The following KAZN variants were observed in gnomAD, a reference collection of about 807,000 sequenced individuals.
KAZN encodes the protein kazrin.
Under a neutral mutation model 87.4 loss-of-function variants are expected in KAZN, and 40 were observed. That is an observed-to-expected ratio of 0.46 (90% CI 0.36 to 0.60). KAZN has a LOEUF of 0.60. KAZN is among the 20% of genes least tolerant of loss of function. The pLI is 0.00. For synonymous variants in KAZN, 466 were observed against 458.3 expected (o/e 1.02, Z -0.22); for missense variants, 898 against 1,073.9 (o/e 0.84, Z 2.29).
intron 5 of KAZN, among the ~76,000 whole-genome samples, chr1:15,057,700 G>A (rs1638418089): frequency 6.6e-6 from 1 of 152,202 alleles, no homozygotes; most frequent in African/African-American, 2.4e-5. Flanking sequence ...CGTCAGGCAG[G>A]GAAACTGAGA....
chr1:14,923,690 G>A lies in KAZN; in HGVS notation c.227-36994G>A, dbSNP rs1658805398. On this transcript the variant is annotated intron_variant, in intron 1 of 14. Coordinates refer to ENST00000376030, the MANE Select transcript of KAZN (RefSeq NM_201628.3). The surrounding 1 kb of genome is among the most constrained non-coding windows in gnomAD (Gnocchi z 4.2). Reference sequence around the variant, plus strand: ...TCAGCATTCCCCTCACTTAGAGGATGGCCGGTCACACGCAAAGATGAGCGA... The same window carrying A: ...TCAGCATTCCCCTCACTTAGAGGATAGCCGGTCACACGCAAAGATGAGCGA... 6.6e-6 allele frequency among the ~76,000 whole-genome samples: 1 copy of A among 152,190 alleles called. No individual in the cohort carries two copies. Among genetic ancestry groups the A allele is most frequent in the Non-Finnish European group, 1.5e-5 (1 of 68,034 alleles).
chr1:14,375,624 C>T (rs1195130818), intron 2 of KAZN, among the ~76,000 whole-genome samples: 4 of 152,138 alleles, frequency 2.6e-5, no homozygotes, highest in Admixed American at 1.3e-4. Context: ...CGGTGGCTCA[C>T]ACCTGTAATC....
intron 2 of KAZN, among the ~76,000 whole-genome samples, chr1:14,293,664 T>C (rs1225760654): frequency 1.3e-5 from 2 of 150,972 alleles, no homozygotes; most frequent in Admixed American, 6.6e-5. Flanking sequence ...GAAAACACCA[T>C]AGGTGTACAG....
Position 14,483,504 on chromosome 1 carries a change from G to A in KAZN, c.250-115479G>A, listed in dbSNP as rs556637850. ...ATTTTGGATATAAACCTCTGTTAAT[G>A]GAAAAACCAAACTCTGTAAAATATT... On this transcript the variant is annotated intron_variant, in intron 2 of 16. Coordinates refer to the KAZN transcript ENST00000636203. Among the ~76,000 whole-genome samples the A allele has an allele frequency of 4.6e-5, 7 of 152,248 alleles. No individual in the cohort carries two copies. The East Asian group carries it at 1.3e-3, about 29-fold the overall frequency.
At chr1:14,463,914 G>A (rs542259494) in intron 2 of KAZN, among the ~76,000 whole-genome samples, 3 of 152,224 alleles carry the variant, frequency 2.0e-5, no homozygotes, top group Non-Finnish European at 4.4e-5. Flanking sequence ...AGGAGTCACA[G>A]GCTGCAGTTC....
At chr1:14,229,834 C>T (rs1023544144) in intron 2 of KAZN, among the ~76,000 whole-genome samples, 3 of 152,254 alleles carry the variant, frequency 2.0e-5, no homozygotes, top group Admixed American at 6.5e-5. Context: ...CTCGCAGGAG[C>T]GTTAGATTCT....
intron 1 of KAZN, among the ~76,000 whole-genome samples, chr1:14,720,184 C>T (rs1643019981): frequency 6.6e-6 from 1 of 152,234 alleles, no homozygotes; most frequent in African/African-American, 2.4e-5. Context: ...GGGGATGGCA[C>T]TTCTTGTGAA....
chr1:15,077,895 T>C lies in KAZN; in HGVS notation c.1222+12142T>C, dbSNP rs931861966. Among the ~76,000 whole-genome samples, 1 of 152,154 alleles carries C rather than the reference T, an allele frequency of 6.6e-6. No homozygotes were observed. Among genetic ancestry groups the C allele is most frequent in the African/African-American group, 2.4e-5 (1 of 41,430 alleles). On this transcript the variant is annotated intron_variant, in intron 8 of 14. Coordinates refer to ENST00000376030, the MANE Select transcript of KAZN (RefSeq NM_201628.3). The surrounding 1 kb of genome is among the most constrained non-coding windows in gnomAD (Gnocchi z 4.8). ...ATATGACTTGCTGACATTTACTAAG[T>C]GCCTACTGTGCCAGGCATGGGGTAG...
chr1:14,240,868 G>T (rs1423295473), intron 2 of KAZN, among the ~76,000 whole-genome samples: 1 of 152,238 alleles, frequency 6.6e-6, no homozygotes, highest in African/African-American at 2.4e-5. Context: ...GCATGGGAGG[G>T]AGTTAGAGAG....
chr1:14,769,052 A>G lies in KAZN; in HGVS notation c.226+169829A>G, dbSNP rs7538279. ...TAAAAGCTTCTGAGTTAATGAGTGA[A>G]TTAATTACCAGGCAAAGAGCCCATT... On this transcript the variant is annotated intron_variant, in intron 1 of 14. Coordinates refer to ENST00000376030, the MANE Select transcript of KAZN (RefSeq NM_201628.3). This position sits in a 1 kb window ranked among gnomAD's most constrained non-coding sequence, Gnocchi z 4.1. Among the ~76,000 whole-genome samples, 7,860 of 152,274 alleles carry G rather than the reference A, an allele frequency of 0.052. 620 individuals carry two copies. The highest frequency in any genetic ancestry group is 0.17 in the African/African-American group (6,944 of 41,524).
At chr1:15,043,097 C>T (rs148223580) in intron 3 of KAZN, among the ~76,000 whole-genome samples, 20 of 152,280 alleles carry the variant, frequency 1.3e-4, no homozygotes, top group Non-Finnish European at 2.9e-4. Context: ...GGAGGGCCAG[C>T]CTGGGGAGGG....
In KAZN at chr1:14,598,764, T is replaced by G. The variant is rs1676691321; in HGVS notation, c.-234T>G. 1.5e-6 allele frequency: 2 copies of G among 1,343,636 alleles called. No individual in the cohort carries two copies. Among genetic ancestry groups the G allele is most frequent in the Non-Finnish European group, 9.5e-7 (1 of 1,055,712 alleles). The allele number at this position is 1,343,636 out of a possible 1,614,324, so 83.2% of individuals were successfully genotyped here. A position where few individuals can be genotyped will look rare whatever the true frequency, so the allele number is the denominator to read the frequency against. On this transcript the variant is annotated 5_prime_UTR_variant, in exon 1 of 15. Coordinates refer to ENST00000376030, the MANE Select transcript of KAZN (RefSeq NM_201628.3). This position sits in a 1 kb window ranked among gnomAD's most constrained non-coding sequence, Gnocchi z 4.2. ...CTCCTCCTCCTTCTCCTCCTCTTTT[T>G]TCTCCTCCGCCTCCTCCCCCCGCCG...
In KAZN at chr1:14,770,063, G is replaced by A. The variant is rs577235617; in HGVS notation, c.226+170840G>A. 5.9e-5 allele frequency among the ~76,000 whole-genome samples: 9 copies of A among 152,296 alleles called. No homozygotes were observed. The South Asian group carries it at 1.9e-3, about 32-fold the overall frequency. On this transcript the variant is annotated intron_variant, in intron 1 of 14. Transcript: ENST00000376030. ...AACCAGGACCTCAGAGAATAGTCCA[G>A]GGTGGCTGGAGCCAAGAAATCATGG...
chr1:14,301,802 C>T lies in KAZN; in HGVS notation c.249+121210C>T, dbSNP rs541162194. On this transcript the variant is annotated intron_variant, in intron 2 of 16. Coordinates refer to the KAZN transcript ENST00000636203. ...AGGTACTCCTTCCTTTCCCTACTGG[C>T]CCATTCTCATCTTCCAGGTCTTGGG... Among the ~76,000 whole-genome samples, 4 of 152,318 alleles carry T rather than the reference C, an allele frequency of 2.6e-5. No homozygotes were observed. In the South Asian group the frequency reaches 6.2e-4, roughly 24 times the overall value.
intron 1 of KAZN, among the ~76,000 whole-genome samples, chr1:13,931,417 T>A (rs754790651): frequency 5.3e-5 from 8 of 151,962 alleles, no homozygotes; most frequent in Non-Finnish European, 8.8e-5. Flanking sequence ...ATTGCTTCTT[T>A]GGGAACTGCC....
intron 2 of KAZN, among the ~76,000 whole-genome samples, chr1:14,399,934 C>T (rs979270494): frequency 1.3e-5 from 2 of 152,084 alleles, no homozygotes; most frequent in Non-Finnish European, 2.9e-5. Flanking sequence ...CATGACTTAA[C>T]GGAGTGACTT....
At chr1:14,946,311 TTCTCTC>T (rs36019890) in intron 1 of KAZN, 4 of 148,994 alleles carry the variant, frequency 2.7e-5, no homozygotes, top group East Asian at 3.9e-4. Context: ...TTCTTTTAAA[TTCTCTC>T]TCTCTTTTTT....
intron 1 of KAZN, among the ~76,000 whole-genome samples, chr1:14,925,760 G>A (rs1188155089): frequency 6.6e-6 from 1 of 152,116 alleles, no homozygotes; most frequent in Non-Finnish European, 1.5e-5. Context: ...TTTGCCTATG[G>A]TAGCCTCCCC....
chr1:14,803,016 C>T (rs1646089845), intron 1 of KAZN, among the ~76,000 whole-genome samples: 1 of 152,132 alleles, frequency 6.6e-6, no homozygotes, highest in Non-Finnish European at 1.5e-5. Flanking sequence ...CACCCTCCTC[C>T]CAGTGTGTTC....
Sources: gnomAD v4.1 joint callset for allele counts (sites outside exome capture counted in the v4.1 genomes callset) on GRCh38, gnomAD v4.1.1 for gene constraint, Gnocchi (gnomAD v3.1) non-coding constraint, MANE v1.5 for transcripts, NCBI Gene and HGNC (gene_info 2026-07-23, HGNC 2026-07-21) for gene names.